PGBD2: variants seen among roughly 807,000 people sequenced by gnomAD.
The protein encoded by PGBD2 is piggyBac transposable element derived 2, also known as piggyBac transposable element-derived protein 2.
In PGBD2, 6 loss-of-function variants were observed where a neutral mutation model predicts 8.1. The observed-to-expected ratio is 0.74, with a 90% CI of 0.40 to 1.46. PGBD2 has a LOEUF of 1.46. Among genes scored for constraint, PGBD2 ranks in the 40% most tolerant of loss-of-function variants. PGBD2 has a pLI of 0.02. For missense variants in PGBD2, 802 were observed against 739.0 expected (o/e 1.09, Z -0.99); for synonymous variants, 318 against 272.2 (o/e 1.17, Z -1.66).
rs750041008 is a variant in PGBD2 at position 248,917,694 on chromosome 1, C to T, written c.1110C>T (p.Ala370=). 6.2e-7 allele frequency: 1 copy of T among 1,614,106 alleles called. No homozygotes were observed. The change falls in exon 3 of 3, where the codon GCC becomes GCT. Residue 370 remains alanine (A), a synonymous_variant. Transcript: ENST00000329291. The part of the protein sequence containing the change: ...MSILRKKGVK[A]TGTVREYRTE... Reference sequence around the variant, plus strand: ...TTTTGAGGAAAAAGGGGGTGAAAGCCACAGGAACTGTTCGTGAGTACAGGA... The same window carrying T: ...TTTTGAGGAAAAAGGGGGTGAAAGCTACAGGAACTGTTCGTGAGTACAGGA...
chr1:248,930,184 A>T, the PGBD2 span, among the ~76,000 whole-genome samples: 1 of 152,168 alleles, frequency 6.6e-6, no homozygotes, highest in Non-Finnish European at 1.5e-5. Flanking sequence ...ATAGCGTGCC[A>T]TAACATGGTA....
At chr1:248,901,605 G>A (rs1008409389), upstream of PGBD2, among the ~76,000 whole-genome samples, 9 of 152,116 alleles carry the variant, frequency 5.9e-5, no homozygotes, top group African/African-American at 2.2e-4. Context: ...ATGGATTAAA[G>A]GCTTAAATGT....
Position 248,918,988 on chromosome 1 carries a change from G to A in PGBD2, c.*625G>A, listed in dbSNP as rs1662223141. ...TACATAGTAGGAGTGTATTTTTATG[G>A]GTTACATGAGATATTCTGATACAAA... is the stretch of plus-strand genomic sequence containing the variant. On this transcript the variant is annotated 3_prime_UTR_variant, in exon 3 of 3. Coordinates refer to ENST00000329291, the MANE Select transcript of PGBD2 (RefSeq NM_170725.3). 6.0e-6 allele frequency: 1 copy of A among 166,580 alleles called. No individual in the cohort carries two copies. Among genetic ancestry groups the A allele is most frequent in the Admixed American group, 6.6e-5 (1 of 15,244 alleles). The allele number at this position is 166,580 out of a possible 1,614,324, so 10.3% of individuals were successfully genotyped here. A position where few individuals can be genotyped will look rare whatever the true frequency, so the allele number is the denominator to read the frequency against.
intron 1 of PGBD2, among the ~76,000 whole-genome samples, chr1:248,910,618 G>A (rs1003211524): frequency 6.6e-6 from 1 of 152,180 alleles, no homozygotes. Context: ...AGGGACTGAG[G>A]TCTTTCTTCT....
At chr1:248,912,037 C>G (rs1379475249) in intron 1 of PGBD2, among the ~76,000 whole-genome samples, 4 of 152,128 alleles carry the variant, frequency 2.6e-5, no homozygotes, top group Non-Finnish European at 4.4e-5. Flanking sequence ...TAACTTGAAT[C>G]AGCTGTCCAG....
rs777309148 is a variant in PGBD2 at position 248,916,886 on chromosome 1, G to A, written c.302G>A (p.Arg101Lys). Residue 101 changes from arginine (R) to lysine (K), a missense_variant, in exon 3 of 3, where the codon AGG becomes AAG. Physicochemically the swap from Arg to Lys is conservative, Grantham distance 26 (BLOSUM62 2). Coordinates refer to ENST00000329291, the MANE Select transcript of PGBD2 (RefSeq NM_170725.3). The stretch of plus-strand genomic sequence containing the variant: ...CTGGAGCTGCAGCCAGCCAAGAAGA[G>A]GCAGAAAGCAGTTGTGAAACCTCAG... ...DDLELQPAKK[R>K]QKAVVKPQRI... is the part of the protein sequence containing the mutation. The A allele has an allele frequency of 3.7e-6, 6 of 1,614,118 alleles. No individual in the cohort carries two copies. The highest frequency in any genetic ancestry group is 5.1e-6 in the Non-Finnish European group (6 of 1,180,048).
At chr1:248,891,508 C>G in the PGBD2 span, among the ~76,000 whole-genome samples, 33 of 152,260 alleles carry the variant, frequency 2.2e-4, no homozygotes, top group African/African-American at 7.7e-4. Flanking sequence ...GATGAAGAGC[C>G]ACAAGAGAAT....
At chr1:248,875,311 A>AG in the PGBD2 span, among the ~76,000 whole-genome samples, 1 of 115,416 alleles carries the variant, frequency 8.7e-6, no homozygotes, top group African/African-American at 3.7e-5. Context: ...AACAAAACAA[A>AG]AAAAAAAAAA....
At chr1:248,929,225 A>G in the PGBD2 span, among the ~76,000 whole-genome samples, 4 of 152,158 alleles carry the variant, frequency 2.6e-5, no homozygotes, top group African/African-American at 9.7e-5. Context: ...TTTCAGAACA[A>G]ATATAACTGA....
At chr1:248,928,088 C>CT in the PGBD2 span, among the ~76,000 whole-genome samples, 19 of 152,154 alleles carry the variant, frequency 1.2e-4, no homozygotes, top group Middle Eastern at 3.4e-3. Context: ...TTGTTGTTTG[C>CT]TTTTTTTAAA....
the PGBD2 span, among the ~76,000 whole-genome samples, chr1:248,877,509 C>T: frequency 1.3e-4 from 20 of 151,856 alleles, no homozygotes; most frequent in African/African-American, 4.4e-4. Context: ...CTCCCAATGC[C>T]GTACAGAAGC....
At chr1:248,888,311 G>C in the PGBD2 span, among the ~76,000 whole-genome samples, 1 of 152,134 alleles carries the variant, frequency 6.6e-6, no homozygotes, top group Non-Finnish European at 1.5e-5. Context: ...GTAGTTCTAG[G>C]TTCCTTGAGA....
At chr1:248,920,795 TC>T (rs1002227210), downstream of PGBD2, among the ~76,000 whole-genome samples, 20 of 152,202 alleles carry the variant, frequency 1.3e-4, no homozygotes, top group African/African-American at 4.6e-4. Context: ...CCACATCCTC[TC>T]CAGCATCTGT....
downstream of PGBD2, among the ~76,000 whole-genome samples, chr1:248,921,231 A>G (rs1662280158): frequency 6.6e-6 from 1 of 152,166 alleles, no homozygotes; most frequent in Non-Finnish European, 1.5e-5. Context: ...TATGTCCTGA[A>G]TGGTATTGCC....
chr1:248,873,846 C>T, the PGBD2 span, among the ~76,000 whole-genome samples: 56 of 152,356 alleles, frequency 3.7e-4, no homozygotes, highest in South Asian at 8.3e-4. Flanking sequence ...AAGCGCTCTG[C>T]TTCCGAGTGT....
At chr1:248,916,011 C>A (rs986941402) in intron 2 of PGBD2, among the ~76,000 whole-genome samples, 5 of 152,170 alleles carry the variant, frequency 3.3e-5, no homozygotes, top group African/African-American at 1.2e-4. Context: ...CATCTGGATT[C>A]ATCACTAAAG....
At chr1:248,924,111 C>G (rs1399943953), downstream of PGBD2, among the ~76,000 whole-genome samples, 7 of 152,256 alleles carry the variant, frequency 4.6e-5, no homozygotes, top group Admixed American at 2.0e-4. Flanking sequence ...TCACTGGCCC[C>G]TATAGCGTGG....
At chr1:248,878,129 T>G in the PGBD2 span, among the ~76,000 whole-genome samples, 1 of 152,138 alleles carries the variant, frequency 6.6e-6, no homozygotes, top group Non-Finnish European at 1.5e-5. Flanking sequence ...ATGTTGTCAT[T>G]TAGTTTAGTG....
the PGBD2 span, among the ~76,000 whole-genome samples, chr1:248,874,411 C>G: frequency 6.6e-6 from 1 of 151,956 alleles, no homozygotes; most frequent in Admixed American, 6.5e-5. Context: ...AAGGGCAAAA[C>G]GCACCTGGTG....
Sources: allele counts gnomAD v4.1 joint callset (sites outside exome capture counted in the v4.1 genomes callset), GRCh38; gene constraint gnomAD v4.1.1; transcripts MANE v1.5; gene names NCBI Gene and HGNC (gene_info 2026-07-23, HGNC 2026-07-21).